SLCO1B1: variants seen among roughly 807,000 people sequenced by gnomAD.
SLCO1B1 encodes OATP-2.
In SLCO1B1, 81 loss-of-function variants were observed where a neutral mutation model predicts 70.1. That is an observed-to-expected ratio of 1.16 (90% CI 0.97 to 1.39). The LOEUF is 1.39. Ranked by LOEUF, SLCO1B1 falls within the 40% of genes most tolerant of loss-of-function variation. The pLI is 0.00. For missense variants in SLCO1B1, 895 were observed against 799.6 expected, an observed-to-expected ratio of 1.12 and a Z score of -1.44; for synonymous variants, 283 against 271.5, an observed-to-expected ratio of 1.04 and a Z score of -0.42.
intron 12 of SLCO1B1, among the ~76,000 whole-genome samples, chr12:21,221,133 C>T (rs1289718913): frequency 6.6e-6 from 1 of 152,090 alleles, no homozygotes; most frequent in Non-Finnish European, 1.5e-5. Flanking sequence ...CAAAAATCCT[C>T]AACAATCTGG....
chr12:21,214,360 C>T (rs574987345), intron 11 of SLCO1B1, among the ~76,000 whole-genome samples: 1 of 150,522 alleles, frequency 6.6e-6, no homozygotes, highest in Non-Finnish European at 1.5e-5. Context: ...GCGTGCCTCC[C>T]AGTTAGGCTG....
At chr12:21,238,493 T>C (rs771823206) in intron 14 of SLCO1B1, among the ~76,000 whole-genome samples, 1 of 152,074 alleles carries the variant, frequency 6.6e-6, no homozygotes, top group Non-Finnish European at 1.5e-5. Context: ...ACTTTTGGTA[T>C]GACTGGCAAT....
intron 2 of SLCO1B1, among the ~76,000 whole-genome samples, chr12:21,142,080 A>AC (rs398076474): frequency 3.3e-5 from 5 of 151,022 alleles, no homozygotes; most frequent in Non-Finnish European, 5.9e-5. Flanking sequence ...TAAAAAAAAA[A>AC]ACAAAAAACA....
chr12:21,134,490 G>A (rs1940189068), intron 1 of SLCO1B1, among the ~76,000 whole-genome samples: 1 of 151,998 alleles, frequency 6.6e-6, no homozygotes, highest in Non-Finnish European at 1.5e-5. Flanking sequence ...GTAAGCTATT[G>A]AGTATTGCCT....
chr12:21,172,617 C>G (rs377564828), intron 2 of SLCO1B1, 33 bp from the exon 3 acceptor site: 2 of 1,612,280 alleles, frequency 1.2e-6, no homozygotes. Context: ...CTTCGATTAA[C>G]CATTTTCCCC....
chr12:21,172,561 G>A (rs398088124), intron 2 of SLCO1B1, 89 bp from the exon 3 acceptor site: 1 of 1,399,002 alleles, frequency 7.1e-7, no homozygotes, highest in Non-Finnish European at 1.0e-6. Context: ...TTTAAGTAAA[G>A]AAGAAAGCTA....
Position 21,167,966 on chromosome 12 carries a change from A to G in SLCO1B1, c.85-4684A>G, listed in dbSNP as rs556897292. Among the ~76,000 whole-genome samples, 31 of 147,752 alleles carry G rather than the reference A, an allele frequency of 2.1e-4. No individual in the cohort carries two copies. The East Asian group carries it at 5.4e-3, about 26-fold the overall frequency. ...CAAGTAGCTGGGATTACAGGTGACT[A>G]CCACCATGCGCAGGTAATTTTTTTT... On this transcript the variant is annotated intron_variant, in intron 2 of 14. Coordinates refer to ENST00000256958, the MANE Select transcript of SLCO1B1 (RefSeq NM_006446.5).
intron 7 of SLCO1B1, among the ~76,000 whole-genome samples, chr12:21,193,413 A>G (rs1172266896): frequency 6.6e-6 from 1 of 152,180 alleles, no homozygotes; most frequent in Admixed American, 6.5e-5. Flanking sequence ...CACAGATACC[A>G]AGAGATGATT....
Position 21,200,676 on chromosome 12 carries a change from A to T in SLCO1B1, c.1135+4A>T. ...TCTAAGGCTAACATCTTATTGGGTA[A>T]GACATATTTTTTACTTGTGTGCTTA... On this transcript the variant is annotated splice_donor_region_variant and intron_variant, in intron 9 of 14. Transcript: ENST00000256958. 2 of 1,610,736 alleles carry T rather than the reference A, an allele frequency of 1.2e-6. No homozygotes were observed. The highest frequency in any genetic ancestry group is 1.7e-6 in the Non-Finnish European group (2 of 1,178,096).
At chr12:21,132,958 G>C (rs1317597835) in intron 1 of SLCO1B1, among the ~76,000 whole-genome samples, 1 of 151,712 alleles carries the variant, frequency 6.6e-6, no homozygotes, top group Non-Finnish European at 1.5e-5. Context: ...GGGTTTTTAT[G>C]GTTTTAGGTC....
rs1264175383 is a variant in SLCO1B1, at chr12:21,174,602, G to T, written c.252G>T (p.Val84=). ...EIGNLLVIVF[V]SYFGSKLHRP... ...GAAATTTGCTTGTGATTGTATTTGT[G>T]AGTTACTTTGGATCCAAACTACATA... The change falls in exon 4 of 15, where the codon GTG becomes GTT. Residue 84 remains valine, a synonymous_variant. Transcript: ENST00000256958. The T allele has an allele frequency of 6.2e-7, 1 of 1,613,106 alleles. No individual in the cohort carries two copies. The highest frequency in any genetic ancestry group is 8.5e-7 in the Non-Finnish European group (1 of 1,179,584).
At chr12:21,209,450 G>C (rs558058211) in intron 11 of SLCO1B1, among the ~76,000 whole-genome samples, 1 of 152,098 alleles carries the variant, frequency 6.6e-6, no homozygotes, top group Admixed American at 6.6e-5. Flanking sequence ...TCTTAATCCA[G>C]TCTATCACTG....
At chr12:21,140,049 C>T (rs1940285538) in intron 1 of SLCO1B1, among the ~76,000 whole-genome samples, 1 of 151,950 alleles carries the variant, frequency 6.6e-6, no homozygotes, top group Non-Finnish European at 1.5e-5. Context: ...TGTCTTTAAA[C>T]AAAACATACA....
chr12:21,202,796 T>G, intron 10 of SLCO1B1, 110 bp downstream of exon 10: 1 of 886,234 alleles, frequency 1.1e-6, no homozygotes, highest in East Asian at 2.7e-5. Context: ...TTCTTTAAGT[T>G]AAGAGAAATT....
chr12:21,140,853 G>A (rs1940298340), intron 1 of SLCO1B1, among the ~76,000 whole-genome samples: 1 of 151,746 alleles, frequency 6.6e-6, no homozygotes, highest in Non-Finnish European at 1.5e-5. Flanking sequence ...TTTTTAATTT[G>A]CATTTTCAAC....
At chr12:21,208,976 A>AT (rs1349271643) in intron 11 of SLCO1B1, among the ~76,000 whole-genome samples, 1 of 151,886 alleles carries the variant, frequency 6.6e-6, no homozygotes, top group African/African-American at 2.4e-5. Context: ...TTGATTTTGT[A>AT]TTCTGAAACT....
intron 7 of SLCO1B1, among the ~76,000 whole-genome samples, chr12:21,195,824 A>G (rs1478317099): frequency 6.6e-6 from 1 of 152,168 alleles, no homozygotes; most frequent in East Asian, 1.9e-4. Context: ...AGTCCTGTCA[A>G]CACTTCAAGA....
At chr12:21,163,159 C>T (rs1272765853) in intron 2 of SLCO1B1, among the ~76,000 whole-genome samples, 2 of 152,180 alleles carry the variant, frequency 1.3e-5, no homozygotes, top group East Asian at 3.9e-4. Flanking sequence ...TTTAATTATA[C>T]TTATTTACTT....
At chr12:21,151,247 T>C (rs930922487) in intron 2 of SLCO1B1, among the ~76,000 whole-genome samples, 1 of 152,206 alleles carries the variant, frequency 6.6e-6, no homozygotes, top group African/African-American at 2.4e-5. Context: ...CATCATTGTA[T>C]ATGCTCTCCA....
Sources: gnomAD v4.1 joint callset for allele counts (sites outside exome capture counted in the v4.1 genomes callset) on GRCh38, gnomAD v4.1.1 for gene constraint, MANE v1.5 for transcripts, NCBI Gene and HGNC (gene_info 2026-07-23, HGNC 2026-07-21) for gene names.